FRMPD4: variants seen among roughly 807,000 people sequenced by gnomAD.
FRMPD4 encodes the protein FERM and PDZ domain containing 4, also known as FERM and PDZ domain-containing protein 4.
FRMPD4 carries 22 observed loss-of-function variants against 94.1 expected under a neutral mutation model. The ratio of observed to expected loss-of-function variants is 0.23; its 90% CI spans 0.17 to 0.33. The LOEUF is 0.33. FRMPD4 is among the 10% of genes least tolerant of loss of function. The pLI is 1.00. For missense variants in FRMPD4, 1,111 were observed against 1,339.9 expected (o/e 0.83, Z 2.67); for synonymous variants, 631 against 548.6 (o/e 1.15, Z -2.10).
At chrX:12,201,308 T>C (rs906736511) in intron 1 of FRMPD4, among the ~76,000 whole-genome samples, 5 of 112,495 alleles carry the variant, frequency 4.4e-5, no homozygotes, top group Admixed American at 2.8e-4. Context: ...CACTTCTGTA[T>C]TGAAAAGCAT....
chrX:12,415,368 A>G (rs902852784), intron 1 of FRMPD4, among the ~76,000 whole-genome samples: 1 of 110,671 alleles, frequency 9.0e-6, no homozygotes, highest in Non-Finnish European at 1.9e-5. Context: ...TGCAACCCTT[A>G]CCTCCTCCAT....
intron 2 of FRMPD4, among the ~76,000 whole-genome samples, chrX:12,601,166 T>C (rs1430738583): frequency 8.9e-6 from 1 of 112,199 alleles, no homozygotes; most frequent in Non-Finnish European, 1.9e-5. Context: ...GTTTCCAAGC[T>C]TGACTAAACA....
chrX:12,193,891 G>A (rs1171002685), intron 1 of FRMPD4, among the ~76,000 whole-genome samples: 1 of 106,501 alleles, frequency 9.4e-6, no homozygotes, highest in African/African-American at 3.4e-5. Flanking sequence ...GAGAAAGCGA[G>A]AAAGCAAGCA....
chrX:12,102,294 G>A (rs1486559855), intron 3 of FRMPD4, among the ~76,000 whole-genome samples: 2 of 112,008 alleles, frequency 1.8e-5, no homozygotes, highest in African/African-American at 3.2e-5. Flanking sequence ...ATAAGCTTAT[G>A]TATGTCATTA....
chrX:12,448,091 A>G (rs758112204), intron 1 of FRMPD4, among the ~76,000 whole-genome samples: 1 of 111,784 alleles, frequency 8.9e-6, no homozygotes, highest in South Asian at 3.8e-4. Flanking sequence ...GAATCTTTTT[A>G]GAATCCTCTG....
At chrX:12,545,496 G>C (rs747283810) in intron 2 of FRMPD4, among the ~76,000 whole-genome samples, 1 of 112,715 alleles carries the variant, frequency 8.9e-6, no homozygotes, top group South Asian at 3.7e-4. Flanking sequence ...AAGTTTCCCT[G>C]GATGGTTGGT....
intron 1 of FRMPD4, among the ~76,000 whole-genome samples, chrX:12,276,272 T>C (rs752262674): frequency 1.1e-4 from 12 of 111,854 alleles, no homozygotes; most frequent in Non-Finnish European, 2.3e-4. Context: ...CAAATACGAG[T>C]GACCAAAGGA....
chrX:12,645,391 C>G (rs1280154746), intron 4 of FRMPD4, among the ~76,000 whole-genome samples: 1 of 83,258 alleles, frequency 1.2e-5, no homozygotes, highest in East Asian at 4.0e-4. Flanking sequence ...GTCTCACTCT[C>G]GTTGCCTAGG....
At chrX:12,027,820 ATTTGCT>A (rs1334781077) in intron 3 of FRMPD4, among the ~76,000 whole-genome samples, 1 of 112,173 alleles carries the variant, frequency 8.9e-6, no homozygotes, top group Admixed American at 9.4e-5. Flanking sequence ...TAAAGAAATC[ATTTGCT>A]TATAAACCAC....
intron 3 of FRMPD4, among the ~76,000 whole-genome samples, chrX:12,037,481 A>G (rs2054726578): frequency 8.9e-6 from 1 of 112,022 alleles, no homozygotes; most frequent in African/African-American, 3.2e-5. Flanking sequence ...GGAATTATAT[A>G]AATGAAATCA....
At chrX:11,995,310 T>A (rs1013028878) in intron 3 of FRMPD4, among the ~76,000 whole-genome samples, 1 of 111,839 alleles carries the variant, frequency 8.9e-6, no homozygotes, top group African/African-American at 3.2e-5. Context: ...GACATCTGTT[T>A]CTTCACAGTG....
chrX:12,242,480 T>A (rs780657447), intron 1 of FRMPD4, among the ~76,000 whole-genome samples: 3 of 112,393 alleles, frequency 2.7e-5, no homozygotes, highest in Non-Finnish European at 5.6e-5. Context: ...AATAAACTAA[T>A]CTATAACATT....
chrX:11,844,606 A>G (rs1831583485), intron 1 of FRMPD4, among the ~76,000 whole-genome samples: 1 of 110,646 alleles, frequency 9.0e-6, no homozygotes, highest in Non-Finnish European at 1.9e-5. Flanking sequence ...GCTGCTAATC[A>G]TATTATTTTT....
At chrX:12,220,253 A>G (rs915256588) in intron 1 of FRMPD4, among the ~76,000 whole-genome samples, 4 of 112,238 alleles carry the variant, frequency 3.6e-5, no homozygotes, top group African/African-American at 9.7e-5. Flanking sequence ...GACTGTTCCC[A>G]TATCATACTT....
chrX:12,082,246 CA>C (rs1047866665), intron 3 of FRMPD4, among the ~76,000 whole-genome samples: 3 of 111,392 alleles, frequency 2.7e-5, no homozygotes, highest in Non-Finnish European at 5.7e-5. Flanking sequence ...TGGGAAAGAC[CA>C]GGGGGATGTA....
chrX:12,250,060 GTGTT>G lies in FRMPD4; in HGVS notation c.41+111052_41+111055del, dbSNP rs1336951802. ...TCTCTCTCTCTCTCTGTGTGTGTGT[GTGTT>G]TGTGTGTTTGTGTGTGTGTGTGTGT... On this transcript the variant is annotated intron_variant, in intron 1 of 16. Coordinates refer to ENST00000675598, the MANE Select transcript of FRMPD4 (RefSeq NM_001368397.1). 2.2e-4 allele frequency among the ~76,000 whole-genome samples: 17 copies of G among 77,437 alleles called. No homozygotes were observed. In the South Asian group the frequency reaches 4.5e-3, roughly 20 times the overall value. 67.2% of individuals were successfully genotyped at this position (77,437 alleles called of 115,157 possible).
chrX:12,551,935 A>T (rs776336290), intron 2 of FRMPD4, among the ~76,000 whole-genome samples: 19 of 111,417 alleles, frequency 1.7e-4, no homozygotes, highest in Non-Finnish European at 2.8e-4. Context: ...CCCCTCATCA[A>T]CTCTTTGTTA....
chrX:12,044,385 G>A (rs1439390426), intron 3 of FRMPD4, among the ~76,000 whole-genome samples: 1 of 112,144 alleles, frequency 8.9e-6, no homozygotes, highest in Non-Finnish European at 1.9e-5. Flanking sequence ...TTAAATGAGT[G>A]ATTTGCTGGT....
intron 1 of FRMPD4, among the ~76,000 whole-genome samples, chrX:12,241,861 A>G (rs947861401): frequency 9.2e-6 from 1 of 109,002 alleles, no homozygotes; most frequent in African/African-American, 3.4e-5. Flanking sequence ...TGATCGCACC[A>G]CTGCACTCCA....
Sources: gnomAD v4.1 joint callset for allele counts (sites outside exome capture counted in the v4.1 genomes callset) on GRCh38, gnomAD v4.1.1 for gene constraint, MANE v1.5 for transcripts, NCBI Gene and HGNC (gene_info 2026-07-23, HGNC 2026-07-21) for gene names.